Variants in WIPF3 observed in about 807,000 individuals in gnomAD.
The protein encoded by WIPF3 is WAS/WASL interacting protein family member 3, also known as WAS/WASL-interacting protein family member 3.
Under a neutral mutation model 38.9 loss-of-function variants are expected in WIPF3, and 33 were observed. The ratio of observed to expected loss-of-function variants is 0.85; its 90% CI spans 0.64 to 1.14. The LOEUF is 1.14. Among genes scored for constraint, WIPF3 ranks in the 50% most tolerant of loss-of-function variants. WIPF3 has a pLI of 0.00. For synonymous variants in WIPF3, 324 were observed against 269.3 expected, an observed-to-expected ratio of 1.20 and a Z score of -1.99; for missense variants, 711 against 652.5, an observed-to-expected ratio of 1.09 and a Z score of -0.98.
At chr7:29,888,270 C>T in intron 6 of WIPF3, 53 bp downstream of exon 6, 1 of 1,555,552 alleles carries the variant, frequency 6.4e-7, no homozygotes, top group Non-Finnish European at 8.7e-7. Context: ...AAGTGATTCT[C>T]CCAACCTCTG....
Position 29,884,153 on chromosome 7 carries a change from C to G in WIPF3, c.659C>G (p.Pro220Arg), listed in dbSNP as rs1189084068. Residue 220 changes from proline to arginine, a missense_variant, in exon 5 of 9, where the codon CCC (proline) becomes CGC (arginine). Transcript: ENST00000242140. ...CTCCCGGTGGTTGCACCCCCCGTCC[C>G]CTGTGCGCCACCACCTCCACCTCCG... is the stretch of plus-strand genomic sequence containing the variant. ...GNLPVVAPPV[P>R]CAPPPPPPPP... 6.5e-7 allele frequency: 1 copy of G among 1,532,712 alleles called. No individual in the cohort carries two copies. Among genetic ancestry groups the G allele is most frequent in the East Asian group, 2.5e-5 (1 of 40,540 alleles). 94.9% of individuals were successfully genotyped at this position (1,532,712 alleles called of 1,614,324 possible). A position where few individuals can be genotyped will look rare whatever the true frequency, so the allele number is the denominator to read the frequency against.
At chr7:29,807,901 G>GAGT (rs1444975532) in intron 1 of WIPF3, among the ~76,000 whole-genome samples, 3 of 152,162 alleles carry the variant, frequency 2.0e-5, no homozygotes, top group Non-Finnish European at 4.4e-5. Flanking sequence ...GGAGGACTGG[G>GAGT]AGTGCACTTC....
intron 8 of WIPF3, among the ~76,000 whole-genome samples, chr7:29,908,371 A>G (rs556465280): frequency 2.6e-5 from 4 of 152,352 alleles, no homozygotes; most frequent in African/African-American, 9.6e-5. Context: ...TGACAGAATT[A>G]AAGTGAGAAA....
rs114437289 is a variant in WIPF3, at chr7:29,807,472, C to T, written c.-58+794C>T. On this transcript the variant is annotated intron_variant, in intron 1 of 8. Coordinates refer to ENST00000242140, the MANE Select transcript of WIPF3 (RefSeq NM_001080529.3). ...GGTGGCGGGGAGGGCGGGCACCCGG[C>T]CGCCCTGGACCTGGAGGAGCGCCGC... Among the ~76,000 whole-genome samples, 1,501 of 152,312 alleles carry T rather than the reference C, an allele frequency of 9.9e-3. 24 individuals carry two copies. The highest frequency in any genetic ancestry group is 0.034 in the African/African-American group (1,408 of 41,582).
intron 7 of WIPF3, among the ~76,000 whole-genome samples, chr7:29,892,718 G>A (rs1316462447): frequency 6.6e-6 from 1 of 152,202 alleles, no homozygotes; most frequent in Non-Finnish European, 1.5e-5. Flanking sequence ...CTCTGAGAAC[G>A]GACGTGATGA....
At chr7:29,911,766 T>C (rs1280697280) in intron 8 of WIPF3, among the ~76,000 whole-genome samples, 1 of 152,180 alleles carries the variant, frequency 6.6e-6, no homozygotes, top group Admixed American at 6.5e-5. Flanking sequence ...TCTAATATCA[T>C]GTACAAAAAT....
intron 2 of WIPF3, among the ~76,000 whole-genome samples, chr7:29,848,005 A>G (rs1785029804): frequency 6.6e-6 from 1 of 152,188 alleles, no homozygotes; most frequent in Admixed American, 6.5e-5. Context: ...AACAATGTGC[A>G]GATGTTACCA....
In WIPF3 at chr7:29,916,107, T is replaced by G. The variant is rs1211903069; in HGVS notation, c.*1591T>G. The G allele has an allele frequency of 6.6e-6, 1 of 152,186 alleles. No individual in the cohort carries two copies. The highest frequency in any genetic ancestry group is 2.4e-5 in the African/African-American group (1 of 41,440). The allele number at this position is 152,186 out of a possible 1,614,324, so 9.4% of individuals were successfully genotyped here. Reference sequence around the variant, plus strand: ...GCAAGTGAGCCAGGGTCAAATTCCCTTCTCCAGGGGAATGAATCAAGCCCA... The same window carrying G: ...GCAAGTGAGCCAGGGTCAAATTCCCGTCTCCAGGGGAATGAATCAAGCCCA... On this transcript the variant is annotated 3_prime_UTR_variant, in exon 9 of 9. Coordinates refer to ENST00000242140, the MANE Select transcript of WIPF3 (RefSeq NM_001080529.3).
At chr7:29,836,597 T>C (rs1208375784) in intron 2 of WIPF3, among the ~76,000 whole-genome samples, 1 of 152,234 alleles carries the variant, frequency 6.6e-6, no homozygotes, top group Non-Finnish European at 1.5e-5. Context: ...CTATTTATTC[T>C]AGCGAAAAAA....
Position 29,888,159 on chromosome 7 carries a change from C to T in WIPF3, c.1191C>T (p.Ala397=). The change falls in exon 6 of 9, where the codon GCC becomes GCT. Residue 397 remains alanine, a synonymous_variant. Coordinates refer to ENST00000242140, the MANE Select transcript of WIPF3 (RefSeq NM_001080529.3). ...CAAGCAAGAGCCAGCAGGCCACAGC[C>T]TGGACCCCGACGCAGCAGCCTGGAG... ...ELSSKSQQAT[A]WTPTQQPGGQ... 6.2e-7 allele frequency: 1 copy of T among 1,613,654 alleles called. No homozygotes were observed. Among genetic ancestry groups the T allele is most frequent in the Non-Finnish European group, 8.5e-7 (1 of 1,179,754 alleles).
intron 2 of WIPF3, among the ~76,000 whole-genome samples, chr7:29,841,231 C>T (rs76046186): frequency 0.015 from 2,331 of 152,282 alleles, 25 homozygotes; most frequent in Admixed American, 0.026. Flanking sequence ...AACTTCACAC[C>T]GGCTCTGGAA....
intron 5 of WIPF3, among the ~76,000 whole-genome samples, 180 bp downstream of exon 5, chr7:29,884,773 C>G (rs1054322970): frequency 6.6e-6 from 1 of 152,218 alleles, no homozygotes; most frequent in Admixed American, 6.5e-5. Context: ...GATCCCCTGC[C>G]CTTACTAGCT....
chr7:29,859,193 A>G (rs73303172), intron 2 of WIPF3, among the ~76,000 whole-genome samples: 1,752 of 152,324 alleles, frequency 0.012, 41 homozygotes, highest in African/African-American at 0.04. Context: ...ACCACATGAG[A>G]CAAGGCGAAG....
intron 1 of WIPF3, among the ~76,000 whole-genome samples, chr7:29,826,356 C>T (rs1784615606): frequency 6.6e-6 from 1 of 152,116 alleles, no homozygotes; most frequent in South Asian, 2.1e-4. Flanking sequence ...TCCCAGGCCC[C>T]AACTCCGACC....
chr7:29,833,147 T>C (rs373324188), intron 1 of WIPF3, among the ~76,000 whole-genome samples: 5 of 152,224 alleles, frequency 3.3e-5, no homozygotes, highest in African/African-American at 1.2e-4. Context: ...AGAACAGAGG[T>C]TACTGGGGGC....
At chr7:29,853,396 GA>G (rs1785137264) in intron 2 of WIPF3, among the ~76,000 whole-genome samples, 1 of 152,200 alleles carries the variant, frequency 6.6e-6, no homozygotes, top group Admixed American at 6.5e-5. Context: ...TTCTCACAGG[GA>G]CAGGTTCATA....
At chr7:29,852,950 A>G (rs1785127631) in intron 2 of WIPF3, among the ~76,000 whole-genome samples, 1 of 152,212 alleles carries the variant, frequency 6.6e-6, no homozygotes, top group Non-Finnish European at 1.5e-5. Context: ...ACATCTCCCC[A>G]TAGAATATCA....
At chr7:29,837,077 C>T (rs577805325) in intron 2 of WIPF3, among the ~76,000 whole-genome samples, 40 of 148,402 alleles carry the variant, frequency 2.7e-4, no homozygotes, top group African/African-American at 8.7e-4. Flanking sequence ...ACATTTTGGC[C>T]GGGCATGGTG....
chr7:29,856,099 T>C (rs1019426452), intron 2 of WIPF3, among the ~76,000 whole-genome samples: 4 of 152,218 alleles, frequency 2.6e-5, no homozygotes, highest in Admixed American at 6.5e-5. Flanking sequence ...CAGACTTTGC[T>C]AATCTGTCCT....
Sources: allele counts gnomAD v4.1 joint callset (sites outside exome capture counted in the v4.1 genomes callset), GRCh38; gene constraint gnomAD v4.1.1; transcripts MANE v1.5; gene names NCBI Gene and HGNC (gene_info 2026-07-23, HGNC 2026-07-21).